Variants in NUP35 observed in about 807,000 individuals in gnomAD.
The protein encoded by NUP35 is nucleoporin 35, also known as nucleoporin NUP35.
Under a neutral mutation model 41.5 loss-of-function variants are expected in NUP35, and 25 were observed. The ratio of observed to expected loss-of-function variants is 0.60; its 90% CI spans 0.44 to 0.84. The LOEUF is 0.84. Among genes scored for constraint, NUP35 ranks in the 40% least tolerant of loss-of-function variants. The pLI is 0.00. For synonymous variants in NUP35, 149 were observed against 130.7 expected (o/e 1.14, Z -0.96); for missense variants, 396 against 396.6 (o/e 1.00, Z 0.01).
Position 183,145,967 on chromosome 2 carries a change from A to G in NUP35, c.398-5541A>G, listed in dbSNP as rs186380763. ...ATTTCAAAAATCTGCTGTGCATGGT[A>G]GCTCACGCTTGGAATTGCAGCACTT... On this transcript the variant is annotated intron_variant, in intron 4 of 8. Coordinates refer to ENST00000295119, the MANE Select transcript of NUP35 (RefSeq NM_138285.5). Among the ~76,000 whole-genome samples, 116 of 152,310 alleles carry G rather than the reference A, an allele frequency of 7.6e-4. 1 individual carries two copies. Among genetic ancestry groups the G allele is most frequent in the Admixed American group, 3.1e-3 (48 of 15,292 alleles).
At chr2:183,157,902 T>A (rs1685727718) in intron 6 of NUP35, among the ~76,000 whole-genome samples, 1 of 152,140 alleles carries the variant, frequency 6.6e-6, no homozygotes, top group African/African-American at 2.4e-5. Context: ...CTCTAAAATT[T>A]AAAAAATTAT....
At position 183,128,469 on chromosome 2, in the gene NUP35, G is replaced by T; in HGVS notation, c.211+12G>T. Reference sequence around the variant, plus strand: ...ACCTTTACTTGCAGGTAGGTGAATTGCTTAAAATAATTTTATAGACATGCT... The same window carrying T: ...ACCTTTACTTGCAGGTAGGTGAATTTCTTAAAATAATTTTATAGACATGCT... On this transcript the variant is annotated intron_variant, in intron 2 of 8. Coordinates refer to ENST00000295119, the MANE Select transcript of NUP35 (RefSeq NM_138285.5). 6.2e-7 allele frequency: 1 copy of T among 1,605,110 alleles called. No individual in the cohort carries two copies. Among genetic ancestry groups the T allele is most frequent in the Non-Finnish European group, 8.5e-7 (1 of 1,174,254 alleles).
chr2:183,138,549 G>C (rs961327020), intron 4 of NUP35, among the ~76,000 whole-genome samples: 3 of 151,824 alleles, frequency 2.0e-5, no homozygotes, highest in African/African-American at 7.3e-5. Context: ...AGGAAATCTG[G>C]ATTAAAGAAT....
chr2:183,141,825 G>A (rs553448385), intron 4 of NUP35, among the ~76,000 whole-genome samples: 1 of 152,134 alleles, frequency 6.6e-6, no homozygotes, highest in Non-Finnish European at 1.5e-5. Context: ...TTGGCATGGT[G>A]TATGACAATC....
At chr2:183,153,369 T>C (rs1317971135) in intron 5 of NUP35, among the ~76,000 whole-genome samples, 1 of 152,202 alleles carries the variant, frequency 6.6e-6, no homozygotes, top group Non-Finnish European at 1.5e-5. Context: ...AAGTCTCATC[T>C]GAGTTAAGGC....
Position 183,158,348 on chromosome 2 carries a change from A to C in NUP35, c.675A>C (p.Leu225Phe). ...YQSKLQARKALSKDGRIFGES... is the reference protein window; with the variant it reads ...YQSKLQARKAFSKDGRIFGES... ...CTAAACTGCAGGCTCGGAAAGCCTT[A>C]AGCAAAGATGGGAGGATTTTTGGAG... The change falls in exon 7 of 9, where the codon TTA becomes TTC. Residue 225 changes from leucine to phenylalanine, a missense_variant. Transcript: ENST00000295119. 6.2e-7 allele frequency: 1 copy of C among 1,609,588 alleles called. No homozygotes were observed. The highest frequency in any genetic ancestry group is 8.5e-7 in the Non-Finnish European group (1 of 1,177,016).
At chr2:183,136,127 C>T (rs994570793) in intron 4 of NUP35, among the ~76,000 whole-genome samples, 3 of 152,168 alleles carry the variant, frequency 2.0e-5, no homozygotes, top group Admixed American at 1.3e-4. Flanking sequence ...TTTTCTATCA[C>T]GATGCTCAGA....
At chr2:183,156,229 C>T (rs2105615110) in intron 5 of NUP35, among the ~76,000 whole-genome samples, 1 of 152,284 alleles carries the variant, frequency 6.6e-6, no homozygotes, top group South Asian at 2.1e-4. Context: ...CCTGTAGGCA[C>T]CCAACCTATT....
chr2:183,144,461 A>G (rs565301381), intron 4 of NUP35, among the ~76,000 whole-genome samples: 262 of 152,222 alleles, frequency 1.7e-3, no homozygotes, highest in African/African-American at 6.2e-3. Context: ...CTTTTTTCCA[A>G]GTTTCATTTG....
intron 6 of NUP35, 54 bp downstream of exon 6, chr2:183,157,567 G>T: frequency 8.4e-7 from 1 of 1,191,962 alleles, no homozygotes; most frequent in South Asian, 1.3e-5. Context: ...GATAAGTTGT[G>T]AATTGAGAGA....
rs1575125500 is a variant in NUP35, at chr2:183,143,176, G to GA, written c.398-8329dup. Among the ~76,000 whole-genome samples, 37 of 143,478 alleles carry GA rather than the reference G, an allele frequency of 2.6e-4. No individual in the cohort carries two copies. In the East Asian group the frequency reaches 7.0e-3, roughly 27 times the overall value. 94.1% of individuals were successfully genotyped at this position (143,478 alleles called of 152,430 possible). A position where few individuals can be genotyped will look rare whatever the true frequency, so the allele number is the denominator to read the frequency against. ...ATCTCAAAAAAAAAAAAAAAGAAAA[G>GA]AAATACAGCATTCTGTTCTTTCATA... On this transcript the variant is annotated intron_variant, in intron 4 of 8. Coordinates refer to ENST00000295119, the MANE Select transcript of NUP35 (RefSeq NM_138285.5).
chr2:183,146,309 T>G (rs949850984), intron 4 of NUP35, among the ~76,000 whole-genome samples: 16 of 152,360 alleles, frequency 1.1e-4, no homozygotes, highest in Non-Finnish European at 1.9e-4. Flanking sequence ...CTCCTTTGAA[T>G]TCAAATTTAG....
chr2:183,137,364 A>C (rs1684911498), intron 4 of NUP35, among the ~76,000 whole-genome samples: 1 of 152,130 alleles, frequency 6.6e-6, no homozygotes, highest in South Asian at 2.1e-4. Flanking sequence ...GGATCACTTG[A>C]GTCCAGGAGT....
rs1324773875 is a variant in NUP35 at position 183,161,237 on chromosome 2, C to G, written c.*106C>G. ...TTCCTGCAGTATTGGATAGCTATCT[C>G]ATACTTCTTTTAGAAAGAAGCCTTT... On this transcript the variant is annotated 3_prime_UTR_variant, in exon 9 of 9. Transcript: ENST00000295119. 8.9e-6 allele frequency: 6 copies of G among 674,502 alleles called. No homozygotes were observed. Among genetic ancestry groups the G allele is most frequent in the Admixed American group, 2.8e-5 (1 of 35,836 alleles). The allele number at this position is 674,502 out of a possible 1,614,324, so 41.8% of individuals were successfully genotyped here.
At chr2:183,143,613 C>A (rs1363225120) in intron 4 of NUP35, among the ~76,000 whole-genome samples, 1 of 152,138 alleles carries the variant, frequency 6.6e-6, no homozygotes, top group Non-Finnish European at 1.5e-5. Context: ...TCCTTTTCTC[C>A]AGAGACAAAA....
chr2:183,147,139 C>G (rs1685307616), intron 4 of NUP35, among the ~76,000 whole-genome samples: 1 of 152,028 alleles, frequency 6.6e-6, no homozygotes, highest in African/African-American at 2.4e-5. Context: ...ATGTTTTCTC[C>G]TATTCTGTAG....
rs139123098 is a variant in NUP35, at chr2:183,148,020, A to G, written c.398-3488A>G. On this transcript the variant is annotated intron_variant, in intron 4 of 8. Transcript: ENST00000295119. ...ATAGAAATGCTACTGATTTTTGTGA[A>G]TACTTTTTTAAGCACTCGCTTATGA... is the stretch of plus-strand genomic sequence containing the variant. Among the ~76,000 whole-genome samples the G allele has an allele frequency of 3.6e-3, 542 of 152,118 alleles. 3 individuals carry two copies. The highest frequency in any genetic ancestry group is 0.012 in the African/African-American group (506 of 41,500).
At chr2:183,157,534 G>T in intron 6 of NUP35, 21 bp downstream of exon 6, 6 of 1,534,468 alleles carry the variant, frequency 3.9e-6, no homozygotes, top group Non-Finnish European at 5.4e-6. Flanking sequence ...ATTTTTTTCA[G>T]TTCAGAGTTT....
intron 4 of NUP35, among the ~76,000 whole-genome samples, chr2:183,138,752 C>G (rs1349824167): frequency 6.6e-6 from 1 of 150,886 alleles, no homozygotes; most frequent in Non-Finnish European, 1.5e-5. Flanking sequence ...TATTAGCTCT[C>G]TTCCAAAATG....
Sources: allele counts gnomAD v4.1 joint callset (sites outside exome capture counted in the v4.1 genomes callset), GRCh38; gene constraint gnomAD v4.1.1; transcripts MANE v1.5; gene names NCBI Gene and HGNC (gene_info 2026-07-23, HGNC 2026-07-21).